Variants in SLC35F1 observed in about 807,000 individuals in gnomAD.
SLC35F1 encodes the protein solute carrier family 35 member F1.
SLC35F1 carries 14 observed loss-of-function variants against 48.7 expected under a neutral mutation model. The ratio of observed to expected loss-of-function variants is 0.29; its 90% CI spans 0.19 to 0.45. The LOEUF is 0.45. Ranked by LOEUF, SLC35F1 falls within the 20% of genes least tolerant of loss-of-function variation. The pLI is 1.00. For synonymous variants in SLC35F1, 190 were observed against 202.2 expected (o/e 0.94, Z 0.51); for missense variants, 404 against 500.0 (o/e 0.81, Z 1.83).
intron 1 of SLC35F1, among the ~76,000 whole-genome samples, chr6:117,929,492 G>A (rs370925769): frequency 8.4e-6 from 1 of 119,124 alleles, no homozygotes; most frequent in African/African-American, 3.3e-5. Context: ...TGTGTGTATA[G>A]AGAGAGAGAG....
At chr6:117,993,374 C>G (rs1338968) in intron 1 of SLC35F1, among the ~76,000 whole-genome samples, 113,985 of 152,024 alleles carry the variant, frequency 0.75, 42,889 homozygotes, top group South Asian at 0.85. Context: ...ATTCCTTTAG[C>G]TGATATTTTT....
intron 1 of SLC35F1, among the ~76,000 whole-genome samples, chr6:118,000,629 T>C (rs1395332410): frequency 2.0e-5 from 3 of 152,144 alleles, no homozygotes; most frequent in Non-Finnish European, 4.4e-5. Flanking sequence ...AAATAAAGGG[T>C]ATTCGATTAG....
At chr6:117,961,615 T>G (rs954450119) in intron 1 of SLC35F1, among the ~76,000 whole-genome samples, 23 of 152,352 alleles carry the variant, frequency 1.5e-4, no homozygotes, top group African/African-American at 5.5e-4. Context: ...TACACAGTGT[T>G]TCCTGAAGGA....
intron 1 of SLC35F1, among the ~76,000 whole-genome samples, chr6:118,152,728 A>AG (rs1774080902): frequency 6.6e-6 from 1 of 152,194 alleles, no homozygotes; most frequent in Non-Finnish European, 1.5e-5. Flanking sequence ...GGTCAGAGCA[A>AG]GTCACAAGAC....
chr6:118,282,757 C>T (rs1335626769), intron 6 of SLC35F1, among the ~76,000 whole-genome samples: 2 of 152,166 alleles, frequency 1.3e-5, no homozygotes, highest in African/African-American at 4.8e-5. Flanking sequence ...CCTCCATGCT[C>T]TCCTTTCCCT....
intron 1 of SLC35F1, among the ~76,000 whole-genome samples, chr6:118,043,629 C>T (rs371518635): frequency 3.3e-5 from 5 of 152,098 alleles, no homozygotes; most frequent in Non-Finnish European, 5.9e-5. Context: ...GATTTCCCCA[C>T]GTTTGTATAT....
At chr6:117,997,514 C>G (rs1380225781) in intron 1 of SLC35F1, among the ~76,000 whole-genome samples, 1 of 152,114 alleles carries the variant, frequency 6.6e-6, no homozygotes, top group African/African-American at 2.4e-5. Flanking sequence ...ATGTTAAGGG[C>G]AGCCAGAGAG....
At chr6:118,035,938 C>T (rs919274275) in intron 1 of SLC35F1, among the ~76,000 whole-genome samples, 11 of 151,900 alleles carry the variant, frequency 7.2e-5, no homozygotes, top group South Asian at 6.2e-4. Flanking sequence ...ATGATCCGCC[C>T]GCCTCGGCCT....
chr6:117,979,582 C>CTGGGAA (rs1456066368), intron 1 of SLC35F1, among the ~76,000 whole-genome samples: 1 of 152,152 alleles, frequency 6.6e-6, no homozygotes, highest in Non-Finnish European at 1.5e-5. Flanking sequence ...CTGGTATGTT[C>CTGGGAA]CCAATCCTGC....
intron 3 of SLC35F1, among the ~76,000 whole-genome samples, chr6:118,253,726 A>G (rs764636663): frequency 3.3e-5 from 5 of 152,082 alleles, no homozygotes; most frequent in Non-Finnish European, 7.4e-5. Context: ...TAGCAATGCC[A>G]ACTACTGCAG....
intron 1 of SLC35F1, among the ~76,000 whole-genome samples, chr6:117,923,653 A>G (rs1229704936): frequency 9.8e-6 from 1 of 101,914 alleles, no homozygotes; most frequent in Non-Finnish European, 2.1e-5. Context: ...GTACATATGT[A>G]CATATGTATA....
intron 2 of SLC35F1, among the ~76,000 whole-genome samples, chr6:118,191,881 T>G (rs1774737918): frequency 6.6e-6 from 1 of 152,188 alleles, no homozygotes; most frequent in Admixed American, 6.5e-5. Flanking sequence ...GCTTTGATTG[T>G]TTTTCCAAGA....
Position 118,314,249 on chromosome 6 carries a change from C to G in SLC35F1, c.1224C>G (p.Ala408=), listed in dbSNP as rs775336521. The change falls in exon 8 of 8, where the codon GCC becomes GCG. Residue 408 remains alanine (A), a synonymous_variant. Coordinates refer to ENST00000360388, the MANE Select transcript of SLC35F1 (RefSeq NM_001029858.4). ...ETEEEPHVRV[A] ...AAGAGGAGCCTCATGTTCGTGTGGC[C>G]TAGGGTGAGGCCCGCCCTGCCAACT... is the stretch of plus-strand genomic sequence containing the variant. The G allele has an allele frequency of 1.2e-6, 2 of 1,614,042 alleles. No individual in the cohort carries two copies. The highest frequency in any genetic ancestry group is 1.7e-6 in the Non-Finnish European group (2 of 1,179,980).
chr6:118,262,295 G>A (rs1021958469), intron 3 of SLC35F1, among the ~76,000 whole-genome samples: 9 of 152,030 alleles, frequency 5.9e-5, no homozygotes, highest in African/African-American at 2.2e-4. Context: ...CAGGAAGGAA[G>A]GGATGGGATG....
intron 3 of SLC35F1, among the ~76,000 whole-genome samples, chr6:118,263,159 C>T (rs149383246): frequency 0.043 from 6,558 of 152,224 alleles, 210 homozygotes; most frequent in Non-Finnish European, 0.065. Context: ...CAGGTTCAAG[C>T]GATTCTCCTG....
intron 1 of SLC35F1, among the ~76,000 whole-genome samples, chr6:117,926,782 G>A (rs1776034281): frequency 6.6e-6 from 1 of 152,100 alleles, no homozygotes; most frequent in Non-Finnish European, 1.5e-5. Context: ...TAGCATTGGA[G>A]ACACTAAGCA....
chr6:118,249,687 A>G (rs12111354), intron 3 of SLC35F1, among the ~76,000 whole-genome samples: 2,087 of 152,324 alleles, frequency 0.014, 34 homozygotes, highest in African/African-American at 0.036. Flanking sequence ...TTAAGACTCA[A>G]TGAGAATGCA....
chr6:118,137,635 C>T (rs1448345300), intron 1 of SLC35F1, among the ~76,000 whole-genome samples: 1 of 152,162 alleles, frequency 6.6e-6, no homozygotes, highest in Non-Finnish European at 1.5e-5. Flanking sequence ...CTTTGGAACC[C>T]AGAAGGTTTG....
chr6:118,065,294 G>T (rs568812116), intron 1 of SLC35F1, among the ~76,000 whole-genome samples: 7 of 152,314 alleles, frequency 4.6e-5, no homozygotes, highest in Admixed American at 4.6e-4. Context: ...CAAAAGCTAA[G>T]AGATACTTAA....
Sources: allele counts gnomAD v4.1 joint callset (sites outside exome capture counted in the v4.1 genomes callset), GRCh38; gene constraint gnomAD v4.1.1; transcripts MANE v1.5; gene names NCBI Gene and HGNC (gene_info 2026-07-23, HGNC 2026-07-21).